PHC3: variants seen among roughly 807,000 people sequenced by gnomAD.
PHC3 encodes polyhomeotic-like protein 3.
PHC3 carries 13 observed loss-of-function variants against 107.4 expected under a neutral mutation model. The observed-to-expected ratio is 0.12, with a 90% confidence interval of 0.08 to 0.19. The LOEUF (loss-of-function observed/expected upper bound fraction) is 0.19, where lower values mean the gene tolerates loss of function less well. Among genes scored for constraint, PHC3 ranks in the 10% least tolerant of loss-of-function variants. The probability of loss-of-function intolerance (pLI) is 1.00; values close to 1 mark genes in which losing one functional copy is unlikely to be tolerated. For synonymous variants in PHC3, 456 were observed against 427.4 expected (o/e 1.07, Z -0.83); for missense variants, 992 against 1,210.9 (o/e 0.82, Z 2.68).
intron 4 of PHC3, among the ~76,000 whole-genome samples, chr3:170,158,770 T>C (rs1400535450): frequency 6.8e-6 from 1 of 146,398 alleles, no homozygotes; most frequent in East Asian, 2.0e-4. Flanking sequence ...CTACAGAAAA[T>C]ACAAAAATTA....
Position 170,150,637 on chromosome 3 carries a change from T to C in PHC3, c.415-1393A>G, listed in dbSNP as rs540678813. On this transcript the variant is annotated intron_variant, in intron 4 of 14. Coordinates refer to ENST00000495893, the MANE Select transcript of PHC3 (RefSeq NM_024947.4). ...CTGAGGCAGAAGAATGGCGTGAACC[T>C]GGGAGGTGGAGCTTGCAGTGAGCCG... 7.9e-4 allele frequency: 229 copies of C among 289,718 alleles called. 1 individual carries two copies. The highest frequency in any genetic ancestry group is 3.3e-3 in the African/African-American group (139 of 42,084). 17.9% of individuals were successfully genotyped at this position (289,718 alleles called of 1,614,324 possible).
At position 170,102,904 on chromosome 3, in the gene PHC3, T is replaced by G. The variant is rs1030212310; in HGVS notation, c.2499A>C (p.Ala833=). 141 of 1,613,186 alleles carry G rather than the reference T, an allele frequency of 8.7e-5. No homozygotes were observed. Among genetic ancestry groups the G allele is most frequent in the Non-Finnish European group, 1.1e-4 (133 of 1,179,512 alleles). ...RYNVSCSKKF[A]LSRWNRKPDN... ...CAGGCTTACGATTCCAACGACTAAG[T>G]GCAAATTTTTTAGAACAGCTAACAT... Residue 833 remains alanine, a synonymous_variant, in exon 13 of 15, where the codon GCA becomes GCC. Transcript: ENST00000495893.
chr3:170,158,417 A>G (rs964659980), intron 4 of PHC3, among the ~76,000 whole-genome samples: 1 of 152,016 alleles, frequency 6.6e-6, no homozygotes, highest in African/African-American at 2.4e-5. Flanking sequence ...GCCTGCCAAC[A>G]TGGTGAAACC....
chr3:170,104,779 T>C (rs963893807), intron 12 of PHC3, among the ~76,000 whole-genome samples: 1 of 152,222 alleles, frequency 6.6e-6, no homozygotes, highest in African/African-American at 2.4e-5. Flanking sequence ...TGATAGCCAA[T>C]TCATTTTACC....
chr3:170,111,884 T>G (rs1487434345), intron 11 of PHC3, among the ~76,000 whole-genome samples: 2 of 152,154 alleles, frequency 1.3e-5, no homozygotes, highest in African/African-American at 4.8e-5. Flanking sequence ...CAGTATAGGC[T>G]CAATAAATAT....
At chr3:170,137,967 C>T (rs1254782886) in intron 6 of PHC3, among the ~76,000 whole-genome samples, 2 of 151,944 alleles carry the variant, frequency 1.3e-5, no homozygotes, top group Admixed American at 1.3e-4. Flanking sequence ...TTTGGGAGGC[C>T]GAGGTGGGTG....
intron 6 of PHC3, among the ~76,000 whole-genome samples, chr3:170,139,578 T>C (rs558447927): frequency 2.0e-5 from 3 of 152,190 alleles, no homozygotes; most frequent in Non-Finnish European, 2.9e-5. Context: ...AATACTCCTT[T>C]TGTTTTTAAT....
At chr3:170,173,995 C>T (rs1730015907) in intron 2 of PHC3, among the ~76,000 whole-genome samples, 1 of 152,278 alleles carries the variant, frequency 6.6e-6, no homozygotes, top group Middle Eastern at 3.4e-3. Context: ...GAGTTCAAGA[C>T]TAGCCTGGCC....
At chr3:170,171,560 G>C in intron 3 of PHC3, 110 bp from the exon 4 acceptor site, 1 of 706,808 alleles carries the variant, frequency 1.4e-6, no homozygotes, top group Non-Finnish European at 2.3e-6. Flanking sequence ...GCCTATGTAT[G>C]AAACAACTAA....
At chr3:170,172,780 G>A in intron 2 of PHC3, 68 bp from the exon 3 acceptor site, 1 of 1,503,886 alleles carries the variant, frequency 6.6e-7, no homozygotes, top group South Asian at 1.3e-5. Flanking sequence ...GAAAATCAAA[G>A]TATAAAAAAG....
In PHC3 at chr3:170,117,372, C is replaced by A. The variant is rs1176168540; in HGVS notation, c.2047G>T (p.Ala683Ser). The stretch of plus-strand genomic sequence containing the variant: ...GTACTGTTACTCCTTGTGGTGGCAG[C>A]TGGAAGTAACAATGGAGGTGGTGGA... ...SVPPPPLLLP[A>S]ATTRSNSTSM... Residue 683 changes from alanine to serine, a missense_variant, in exon 10 of 15, where the codon GCT (alanine) becomes TCT (serine). By Grantham distance (99) the Ala-to-Ser change is moderately conservative. This residue lies in a region of PHC3 where 543 missense variants were observed against 590.8 expected (regional missense o/e 0.92). Coordinates refer to ENST00000495893, the MANE Select transcript of PHC3 (RefSeq NM_024947.4). The A allele has an allele frequency of 6.2e-7, 1 of 1,613,662 alleles. No individual in the cohort carries two copies. The highest frequency in any genetic ancestry group is 2.2e-5 in the East Asian group (1 of 44,872).
At chr3:170,120,456 C>G (rs1459419438) in intron 9 of PHC3, among the ~76,000 whole-genome samples, 3 of 151,830 alleles carry the variant, frequency 2.0e-5, no homozygotes, top group Non-Finnish European at 4.4e-5. Flanking sequence ...GCCTGTAATC[C>G]CAGCTACTCA....
At chr3:170,152,337 A>AT (rs1220193435) in intron 4 of PHC3, among the ~76,000 whole-genome samples, 3,302 of 122,134 alleles carry the variant, frequency 0.027, 79 homozygotes, top group Admixed American at 0.055. Flanking sequence ...CGCCTGGCTA[A>AT]TTTTTTTTTT....
At chr3:170,154,466 A>T (rs1726561418) in intron 4 of PHC3, among the ~76,000 whole-genome samples, 2 of 152,194 alleles carry the variant, frequency 1.3e-5, no homozygotes, top group African/African-American at 4.8e-5. Context: ...AAACAGTAAG[A>T]AAGAAATGTA....
intron 4 of PHC3, among the ~76,000 whole-genome samples, chr3:170,152,262 C>T (rs1246124705): frequency 6.6e-6 from 1 of 151,796 alleles, no homozygotes; most frequent in East Asian, 1.9e-4. Context: ...CCTCCACCTC[C>T]TGGGTTCACA....
chr3:170,161,828 T>G (rs1284356088), intron 4 of PHC3, among the ~76,000 whole-genome samples: 1 of 152,226 alleles, frequency 6.6e-6, no homozygotes, highest in African/African-American at 2.4e-5. Flanking sequence ...ATTGCCAGTG[T>G]CTCTTCTTCG....
chr3:170,125,586 A>G (rs1721118890), intron 8 of PHC3, among the ~76,000 whole-genome samples: 1 of 152,224 alleles, frequency 6.6e-6, no homozygotes, highest in Non-Finnish European at 1.5e-5. Context: ...GATCATACAT[A>G]GAATTCTGAT....
At chr3:170,111,305 G>GAACGAACGAACGAAC (rs1560033238) in intron 11 of PHC3, among the ~76,000 whole-genome samples, 1 of 95,420 alleles carries the variant, frequency 1.0e-5, no homozygotes, top group Non-Finnish European at 2.2e-5. Flanking sequence ...AAGGAAGGAA[G>GAACGAACGAACGAAC]GAAGGAAGGA....
At chr3:170,129,642 A>C (rs533923377) in intron 7 of PHC3, 90 bp from the exon 8 acceptor site, 16 of 1,242,838 alleles carry the variant, frequency 1.3e-5, no homozygotes, top group Non-Finnish European at 2.3e-6. Context: ...CATTATCAGA[A>C]GGTCATAATC....
Sources: gnomAD v4.1 joint callset for allele counts (sites outside exome capture counted in the v4.1 genomes callset) on GRCh38, gnomAD v4.1.1 for gene constraint, gnomAD v4.1.1 regional missense constraint, MANE v1.5 for transcripts, NCBI Gene and HGNC (gene_info 2026-07-23, HGNC 2026-07-21) for gene names.